The following KCNAB1 variants were observed in gnomAD, a reference collection of about 807,000 sequenced individuals.
The protein encoded by KCNAB1 is voltage-gated potassium channel subunit beta-1.
KCNAB1 carries 35 observed loss-of-function variants against 64.6 expected under a neutral mutation model. The observed-to-expected ratio is 0.54, with a 90% CI of 0.41 to 0.72. The LOEUF (loss-of-function observed/expected upper bound fraction) is 0.72. Ranked by LOEUF, KCNAB1 falls within the 30% of genes least tolerant of loss-of-function variation. KCNAB1 has a pLI of 0.00. For synonymous variants in KCNAB1, 177 were observed against 183.8 expected (o/e 0.96, Z 0.30); for missense variants, 401 against 512.9 (o/e 0.78, Z 2.11).
At chr3:156,291,893 C>T (rs369162310) in intron 1 of KCNAB1, 215 of 1,613,738 alleles carry the variant, frequency 1.3e-4, no homozygotes, top group East Asian at 2.7e-4. Context: ...GGACCGTGCG[C>T]TGCCTGGGGA....
At chr3:156,329,852 G>A (rs1207302804) in intron 1 of KCNAB1, among the ~76,000 whole-genome samples, 1 of 152,152 alleles carries the variant, frequency 6.6e-6, no homozygotes, top group Admixed American at 6.5e-5. Flanking sequence ...TTTCAAGGGA[G>A]TCCAGACCAG....
rs1314710896 is a variant in KCNAB1, at chr3:156,282,176, C to T, written c.276-139440C>T. Among the ~76,000 whole-genome samples the T allele has an allele frequency of 4.8e-3, 699 of 144,624 alleles. 6 individuals carry two copies. The highest frequency in any genetic ancestry group is 0.018 in the African/African-American group (661 of 37,368). 94.9% of individuals were successfully genotyped at this position (144,624 alleles called of 152,430 possible). On this transcript the variant is annotated intron_variant, in intron 1 of 13. Transcript: ENST00000490337. ...TTCTGGTATGTTGTGTCTTTGTTCT[C>T]GTTGGTTTCAAAGAACATCTTTATT...
chr3:156,337,079 T>G (rs1233130281), intron 1 of KCNAB1, among the ~76,000 whole-genome samples: 1 of 152,226 alleles, frequency 6.6e-6, no homozygotes, highest in Non-Finnish European at 1.5e-5. Context: ...TGCTACCAAT[T>G]GTACTAAGTT....
At chr3:156,303,430 T>G (rs554121551) in intron 1 of KCNAB1, among the ~76,000 whole-genome samples, 2 of 152,300 alleles carry the variant, frequency 1.3e-5, no homozygotes, top group East Asian at 3.9e-4. Context: ...TTTAGTCTCT[T>G]GTGGCCAGAT....
At chr3:156,209,959 G>T (rs1714911634) in intron 1 of KCNAB1, among the ~76,000 whole-genome samples, 1 of 152,168 alleles carries the variant, frequency 6.6e-6, no homozygotes. Flanking sequence ...TTGAAAAAAA[G>T]ATCTTTAAAC....
chr3:156,159,628 G>A (rs971165807), intron 1 of KCNAB1, among the ~76,000 whole-genome samples: 3 of 152,092 alleles, frequency 2.0e-5, no homozygotes, highest in Non-Finnish European at 4.4e-5. Flanking sequence ...CATACGCGAA[G>A]ACTAAGTGCA....
At chr3:156,418,175 T>A (rs1372898327) in intron 1 of KCNAB1, among the ~76,000 whole-genome samples, 1 of 152,254 alleles carries the variant, frequency 6.6e-6, no homozygotes, top group African/African-American at 2.4e-5. Flanking sequence ...AAATAATTCA[T>A]TCTAATTGGC....
At chr3:156,147,288 A>G in intron 1 of KCNAB1, among the ~76,000 whole-genome samples, 1 of 152,174 alleles carries the variant, frequency 6.6e-6, no homozygotes, top group East Asian at 1.9e-4. Flanking sequence ...TAAATCAGAG[A>G]GAAGTTCCTT....
chr3:156,455,728 G>A (rs1386663922), intron 3 of KCNAB1, among the ~76,000 whole-genome samples: 1 of 152,174 alleles, frequency 6.6e-6, no homozygotes, highest in Non-Finnish European at 1.5e-5. Context: ...CTCCCAGTCT[G>A]CTTCCCAGCG....
chr3:156,312,731 A>AAAAC (rs1722007557), intron 1 of KCNAB1, among the ~76,000 whole-genome samples: 1 of 144,526 alleles, frequency 6.9e-6, no homozygotes, highest in African/African-American at 2.7e-5. Flanking sequence ...AAAAAAAAAA[A>AAAAC]CTCATAATAA....
intron 12 of KCNAB1, among the ~76,000 whole-genome samples, chr3:156,526,091 C>G (rs1576978034): frequency 6.6e-6 from 1 of 152,148 alleles, no homozygotes; most frequent in Non-Finnish European, 1.5e-5. Context: ...TTTTACCATA[C>G]CTTTTCTATG....
intron 1 of KCNAB1, among the ~76,000 whole-genome samples, chr3:156,310,631 G>A (rs771856709): frequency 2.6e-5 from 4 of 152,096 alleles, no homozygotes; most frequent in Non-Finnish European, 4.4e-5. Flanking sequence ...GTGAAACCCC[G>A]TCTCTACTAA....
chr3:156,420,594 G>A (rs1240637235), intron 1 of KCNAB1, among the ~76,000 whole-genome samples: 1 of 152,148 alleles, frequency 6.6e-6, no homozygotes, highest in African/African-American at 2.4e-5. Context: ...CTTTGGTGTG[G>A]GAGCAAGAAG....
At chr3:156,314,069 A>G (rs1335228819) in intron 1 of KCNAB1, among the ~76,000 whole-genome samples, 1 of 152,226 alleles carries the variant, frequency 6.6e-6, no homozygotes, top group African/African-American at 2.4e-5. Flanking sequence ...GGTATCTGGC[A>G]TATAAACCTC....
intron 1 of KCNAB1, among the ~76,000 whole-genome samples, chr3:156,330,037 G>A (rs183859823): frequency 3.9e-5 from 6 of 152,152 alleles, no homozygotes; most frequent in East Asian, 1.9e-4. Context: ...TTAATTTCCC[G>A]AAATAGAATT....
At position 156,471,921 on chromosome 3, in the gene KCNAB1, G is replaced by A. The variant is rs188730857; in HGVS notation, c.572-2813G>A. ...CCAAGCACCATTTTGTCCTTGGACA[G>A]ATGAGGAAACTGAGGCTCAGAGAGG... On this transcript the variant is annotated intron_variant, in intron 7 of 13. Coordinates refer to ENST00000490337, the MANE Select transcript of KCNAB1 (RefSeq NM_172160.3). 3.4e-3 allele frequency among the ~76,000 whole-genome samples: 511 copies of A among 152,328 alleles called. 1 individual carries two copies. Among genetic ancestry groups the A allele is most frequent in the Non-Finnish European group, 5.6e-3 (379 of 68,026 alleles).
intron 3 of KCNAB1, among the ~76,000 whole-genome samples, chr3:156,456,698 A>G (rs1712454392): frequency 6.6e-6 from 1 of 152,240 alleles, no homozygotes. Flanking sequence ...AATGACTAGT[A>G]AGTCAATCGG....
chr3:156,139,941 C>T (rs987519377), intron 1 of KCNAB1, among the ~76,000 whole-genome samples: 3 of 152,012 alleles, frequency 2.0e-5, no homozygotes, highest in African/African-American at 7.2e-5. Context: ...TCTTTGTTTC[C>T]CAAAGGAGGT....
Position 156,493,067 on chromosome 3 carries a change from A to C in KCNAB1, c.658+18247A>C, listed in dbSNP as rs1019468879. On this transcript the variant is annotated intron_variant, in intron 8 of 13. Transcript: ENST00000490337. ...AAAATACCAGTGGTTTTGAGTGGTC[A>C]GTATTAAATATGGCTGTGTCTGTCA... 3.9e-5 allele frequency among the ~76,000 whole-genome samples: 6 copies of C among 152,286 alleles called. No homozygotes were observed. In the East Asian group the frequency reaches 1.2e-3, roughly 29 times the overall value.
Sources: allele counts gnomAD v4.1 joint callset (sites outside exome capture counted in the v4.1 genomes callset), GRCh38; gene constraint gnomAD v4.1.1; transcripts MANE v1.5; gene names NCBI Gene and HGNC (gene_info 2026-07-23, HGNC 2026-07-21).